DLG2: variants seen among roughly 807,000 people sequenced by gnomAD.
DLG2 encodes the protein disks large homolog 2.
Under a neutral mutation model 132.5 loss-of-function variants are expected in DLG2, and 45 were observed. That is an observed-to-expected ratio of 0.34 (90% confidence interval 0.27 to 0.44). The LOEUF is 0.44. Among genes scored for constraint, DLG2 ranks in the 20% least tolerant of loss-of-function variants. The probability of loss-of-function intolerance (pLI) is 1.00; values close to 1 mark genes in which losing one functional copy is unlikely to be tolerated. For missense variants in DLG2, 1,045 were observed against 1,196.9 expected (o/e 0.87, Z 1.87); for synonymous variants, 424 against 419.6 (o/e 1.01, Z -0.13).
At chr11:84,259,195 C>T (rs1598515910) in intron 7 of DLG2, among the ~76,000 whole-genome samples, 1 of 151,414 alleles carries the variant, frequency 6.6e-6, no homozygotes, top group African/African-American at 2.4e-5. Flanking sequence ...GGCTGGAACC[C>T]CTGGAGGTGG....
intron 6 of DLG2, among the ~76,000 whole-genome samples, chr11:84,882,491 G>T (rs767443417): frequency 1.8e-4 from 27 of 151,976 alleles, no homozygotes; most frequent in Non-Finnish European, 3.1e-4. Context: ...ACACTGATAG[G>T]GTCATTTGCA....
intron 8 of DLG2, 74 bp from the exon 9 acceptor site, chr11:84,163,585 T>G: frequency 2.4e-6 from 3 of 1,232,136 alleles, no homozygotes; most frequent in Non-Finnish European, 3.4e-6. Context: ...TTTTAAATAA[T>G]GCTTGGGGGT....
chr11:84,479,800 G>A (rs774482326), intron 7 of DLG2, among the ~76,000 whole-genome samples: 9 of 152,020 alleles, frequency 5.9e-5, no homozygotes, highest in Non-Finnish European at 1.0e-4. Context: ...TAGTTTAAAG[G>A]AAACTACATT....
intron 10 of DLG2, among the ~76,000 whole-genome samples, chr11:84,080,024 G>C (rs990028385): frequency 6.6e-6 from 1 of 152,108 alleles, no homozygotes; most frequent in Non-Finnish European, 1.5e-5. Flanking sequence ...ACAGCACTAC[G>C]TCCTTTACAT....
chr11:85,397,262 A>G (rs2087488109), intron 3 of DLG2, among the ~76,000 whole-genome samples: 1 of 152,238 alleles, frequency 6.6e-6, no homozygotes, highest in African/African-American at 2.4e-5. Flanking sequence ...ATGCCTTATA[A>G]GAGCTACTGA....
At chr11:84,964,798 C>A (rs186547304) in intron 6 of DLG2, among the ~76,000 whole-genome samples, 109 of 152,046 alleles carry the variant, frequency 7.2e-4, no homozygotes, top group African/African-American at 2.5e-3. Context: ...GAGCCTACCC[C>A]AGGTCTTTCT....
rs527677225 is a variant in DLG2 at position 84,872,534 on chromosome 11, G to A, written c.357+239127C>T. Among the ~76,000 whole-genome samples the A allele has an allele frequency of 1.4e-4, 21 of 152,256 alleles. No homozygotes were observed. In the South Asian group the frequency reaches 3.7e-3, roughly 27 times the overall value. ...ATAGAGTTGTACACACAATGCCCTC[G>A]TAGCAAAGTGTAAGTATTGCCCAGT... is the stretch of plus-strand genomic sequence containing the variant. On this transcript the variant is annotated intron_variant, in intron 6 of 27. Transcript: ENST00000376104.
At chr11:85,068,583 C>T (rs1413380238) in intron 6 of DLG2, among the ~76,000 whole-genome samples, 1 of 152,008 alleles carries the variant, frequency 6.6e-6, no homozygotes, top group East Asian at 1.9e-4. Context: ...ACCTAGGAAT[C>T]CAACTTACAA....
intron 7 of DLG2, among the ~76,000 whole-genome samples, chr11:84,359,135 A>C (rs2098635179): frequency 6.6e-6 from 1 of 151,880 alleles, no homozygotes; most frequent in South Asian, 2.1e-4. Flanking sequence ...ATACAATAAT[A>C]TGCTTCCCTA....
chr11:83,935,127 G>A (rs2081179641), intron 14 of DLG2, among the ~76,000 whole-genome samples: 1 of 152,168 alleles, frequency 6.6e-6, no homozygotes, highest in Admixed American at 6.5e-5. Flanking sequence ...TGTATTTGCA[G>A]AATATAGAAC....
chr11:84,524,423 G>A (rs974262286), intron 7 of DLG2, among the ~76,000 whole-genome samples: 2 of 152,142 alleles, frequency 1.3e-5, no homozygotes, highest in Non-Finnish European at 2.9e-5. Flanking sequence ...ATGGAATTTC[G>A]ATCAGGAGAT....
rs546507576 is a variant in DLG2, at chr11:84,594,385, C to T, written c.358-59654G>A. Among the ~76,000 whole-genome samples, 9 of 152,196 alleles carry T rather than the reference C, an allele frequency of 5.9e-5. 1 individual carries two copies. In the South Asian group the frequency reaches 1.2e-3, roughly 21 times the overall value. On this transcript the variant is annotated intron_variant, in intron 6 of 27. Transcript: ENST00000376104. ...TTTATTGAGCATCTTCTATGTGTCTCGTCTAGACAATAGAGGTGACTATTC... is the reference window on the plus strand; with the variant it reads ...TTTATTGAGCATCTTCTATGTGTCTTGTCTAGACAATAGAGGTGACTATTC...
chr11:84,866,462 G>T (rs563490725), intron 6 of DLG2, among the ~76,000 whole-genome samples: 22 of 152,318 alleles, frequency 1.4e-4, no homozygotes, highest in African/African-American at 5.3e-4. Context: ...ATGACTTGCA[G>T]AAAAGAATCA....
chr11:84,788,128 A>C (rs896302774), intron 6 of DLG2, among the ~76,000 whole-genome samples: 18 of 147,682 alleles, frequency 1.2e-4, no homozygotes, highest in Admixed American at 2.0e-4. Flanking sequence ...AAAAAAAAGA[A>C]GAAGAAGAAA....
chr11:85,500,593 A>G (rs1159277023), intron 3 of DLG2, among the ~76,000 whole-genome samples: 3 of 139,910 alleles, frequency 2.1e-5, no homozygotes, highest in African/African-American at 7.7e-5. Flanking sequence ...TACAAAATCA[A>G]AGTGTAAAAT....
intron 6 of DLG2, among the ~76,000 whole-genome samples, chr11:85,032,870 A>G (rs2061139117): frequency 6.6e-6 from 1 of 152,220 alleles, no homozygotes; most frequent in Admixed American, 6.5e-5. Context: ...AATGGTAGAG[A>G]TGCCTCAAAA....
intron 7 of DLG2, among the ~76,000 whole-genome samples, chr11:84,525,929 A>C (rs1336914212): frequency 6.6e-6 from 1 of 152,084 alleles, no homozygotes; most frequent in Non-Finnish European, 1.5e-5. Context: ...CCCTTATTTC[A>C]TACTTCCTTC....
chr11:84,407,693 G>T lies in DLG2; in HGVS notation c.519+126877C>A, dbSNP rs191176912. 9.9e-5 allele frequency among the ~76,000 whole-genome samples: 15 copies of T among 152,270 alleles called. 1 individual carries two copies. The East Asian group carries it at 2.3e-3, about 24-fold the overall frequency. On this transcript the variant is annotated intron_variant, in intron 7 of 27. Transcript: ENST00000376104. ...TATCTTATAGCATTTGGATACATGG[G>T]ATATTTATTTGCAGTGCTAGTGTAA...
chr11:85,475,817 G>A (rs998265362), intron 3 of DLG2, among the ~76,000 whole-genome samples: 1 of 152,076 alleles, frequency 6.6e-6, no homozygotes, highest in Non-Finnish European at 1.5e-5. Context: ...CTTACTAGTG[G>A]CAAGTCCAGG....
Sources: allele counts gnomAD v4.1 joint callset (sites outside exome capture counted in the v4.1 genomes callset), GRCh38; gene constraint gnomAD v4.1.1; transcripts MANE v1.5; gene names NCBI Gene and HGNC (gene_info 2026-07-23, HGNC 2026-07-21).